The following ITGA9 variants were observed in gnomAD, a reference collection of about 807,000 sequenced individuals.
The protein encoded by ITGA9 is integrin alpha-9.
ITGA9 carries 56 observed loss-of-function variants against 127.8 expected under a neutral mutation model. The ratio of observed to expected loss-of-function variants is 0.44; its 90% CI spans 0.35 to 0.55. ITGA9 has a LOEUF of 0.55. Among genes scored for constraint, ITGA9 ranks in the 20% least tolerant of loss-of-function variants. The pLI is 0.00. For missense variants in ITGA9, 1,196 were observed against 1,347.1 expected (o/e 0.89, Z 1.76); for synonymous variants, 508 against 514.5 (o/e 0.99, Z 0.17).
At chr3:37,591,910 T>A (rs1342880239) in intron 15 of ITGA9, among the ~76,000 whole-genome samples, 1 of 152,202 alleles carries the variant, frequency 6.6e-6, no homozygotes, top group African/African-American at 2.4e-5. Flanking sequence ...TGGGATGTTT[T>A]TCTAGGTTAT....
chr3:37,666,323 G>C (rs1021123599), intron 17 of ITGA9, among the ~76,000 whole-genome samples: 3 of 152,222 alleles, frequency 2.0e-5, no homozygotes, highest in Admixed American at 6.5e-5. Flanking sequence ...CCTGCGGTGA[G>C]GATGTGCCAT....
At chr3:37,543,187 A>G (rs1699292631) in intron 15 of ITGA9, among the ~76,000 whole-genome samples, 1 of 152,234 alleles carries the variant, frequency 6.6e-6, no homozygotes, top group Admixed American at 6.5e-5. Context: ...GGCTTTGATT[A>G]GCTACAGAGT....
At chr3:37,699,042 C>T (rs1454508774) in intron 18 of ITGA9, among the ~76,000 whole-genome samples, 1 of 152,202 alleles carries the variant, frequency 6.6e-6, no homozygotes, top group Admixed American at 6.5e-5. Flanking sequence ...ACTCCTCACC[C>T]CAATTCTTCT....
intron 24 of ITGA9, among the ~76,000 whole-genome samples, chr3:37,779,216 C>T (rs189851222): frequency 1.6e-3 from 241 of 152,190 alleles, no homozygotes; most frequent in Non-Finnish European, 3.1e-3. Flanking sequence ...GCAGTTCTCC[C>T]GCCTCAGCCT....
At chr3:37,808,186 C>A (rs1697321849) in intron 27 of ITGA9, 1 of 152,252 alleles carries the variant, frequency 6.6e-6, no homozygotes, top group Non-Finnish European at 1.5e-5. Flanking sequence ...CCCCTCCAAA[C>A]TTGCATCTCA....
intron 12 of ITGA9, among the ~76,000 whole-genome samples, chr3:37,524,528 A>G (rs1699074277): frequency 1.3e-5 from 2 of 152,292 alleles, no homozygotes; most frequent in Admixed American, 6.5e-5. Context: ...TTGTCCCAAG[A>G]AAGACCCTTG....
intron 15 of ITGA9, among the ~76,000 whole-genome samples, chr3:37,613,807 G>A (rs1379385107): frequency 6.6e-6 from 1 of 152,152 alleles, no homozygotes; most frequent in Admixed American, 6.5e-5. Flanking sequence ...TTGTTGATGG[G>A]GTTGTTTGTT....
chr3:37,655,346 T>A (rs898348852), intron 17 of ITGA9, among the ~76,000 whole-genome samples: 4 of 152,338 alleles, frequency 2.6e-5, no homozygotes, highest in Non-Finnish European at 5.9e-5. Flanking sequence ...CCACATCCTC[T>A]CCAGCACCTG....
chr3:37,772,714 C>T (rs1025299170), intron 23 of ITGA9, among the ~76,000 whole-genome samples: 11 of 152,208 alleles, frequency 7.2e-5, no homozygotes, highest in African/African-American at 2.7e-4. Context: ...AACCTTCAAT[C>T]TCCTTTTGAA....
At chr3:37,698,128 G>A (rs1700906157) in intron 18 of ITGA9, among the ~76,000 whole-genome samples, 1 of 152,176 alleles carries the variant, frequency 6.6e-6, no homozygotes, top group African/African-American at 2.4e-5. Flanking sequence ...CTGCATAAAT[G>A]TCTTCTTTTG....
intron 17 of ITGA9, among the ~76,000 whole-genome samples, chr3:37,659,983 A>AACAC (rs10694969): frequency 0.53 from 79,302 of 149,874 alleles, 20,886 homozygotes; most frequent in African/African-American, 0.58. Context: ...AAGATGATGT[A>AACAC]ACACACACAC....
chr3:37,676,794 A>G (rs1287718106), intron 17 of ITGA9, among the ~76,000 whole-genome samples: 2 of 152,208 alleles, frequency 1.3e-5, no homozygotes, highest in African/African-American at 4.8e-5. Flanking sequence ...CCCTACACAT[A>G]TCTACTTGCC....
intron 1 of ITGA9, among the ~76,000 whole-genome samples, chr3:37,453,120 C>G (rs78489361): frequency 0.036 from 4,703 of 129,340 alleles, 167 homozygotes; most frequent in Non-Finnish European, 0.048. Context: ...CCGGCGCCCC[C>G]CCCCCCCCCC....
intron 1 of ITGA9, among the ~76,000 whole-genome samples, chr3:37,456,511 C>T (rs555740299): frequency 1.3e-5 from 2 of 152,304 alleles, no homozygotes; most frequent in African/African-American, 2.4e-5. Flanking sequence ...CCAGAGCGGA[C>T]GTCTTTCACA....
intron 27 of ITGA9, among the ~76,000 whole-genome samples, chr3:37,809,586 T>C (rs1017018068): frequency 6.6e-5 from 10 of 152,098 alleles, no homozygotes; most frequent in Admixed American, 5.9e-4. Flanking sequence ...TGTTGTAATG[T>C]GATAAGGGGC....
intron 4 of ITGA9, among the ~76,000 whole-genome samples, chr3:37,493,398 G>A (rs1168151230): frequency 6.6e-6 from 1 of 152,206 alleles, no homozygotes; most frequent in African/African-American, 2.4e-5. Flanking sequence ...GGTCACTGGG[G>A]TAGCCCCAGC....
chr3:37,719,190 G>A (rs1368499097), intron 18 of ITGA9, among the ~76,000 whole-genome samples: 1 of 152,192 alleles, frequency 6.6e-6, no homozygotes, highest in East Asian at 1.9e-4. Context: ...GAGCTGACCT[G>A]TTGAAGCAAC....
chr3:37,477,654 C>T (rs1031319857), intron 3 of ITGA9, among the ~76,000 whole-genome samples: 4 of 152,114 alleles, frequency 2.6e-5, no homozygotes, highest in Non-Finnish European at 5.9e-5. Context: ...AAGAAATGAG[C>T]GGGGAGGGGA....
In ITGA9 at chr3:37,743,979, T is replaced by C. The variant is rs1232882983; in HGVS notation, c.2378T>C (p.Phe793Ser). The change falls in exon 22 of 28, where the codon TTC (phenylalanine) becomes TCC (serine). Residue 793 changes from phenylalanine to serine, a missense_variant. Coordinates refer to ENST00000264741, the MANE Select transcript of ITGA9 (RefSeq NM_002207.3). ...VYGESVDAAN[F>S]IQLDDLECHF... ...GGCGAGTCCGTGGACGCAGCCAACT[T>C]CATTCAGCTGGATGACCTGGAGTGT... is the stretch of plus-strand genomic sequence containing the variant. 5 of 1,614,070 alleles carry C rather than the reference T, an allele frequency of 3.1e-6. No homozygotes were observed. The highest frequency in any genetic ancestry group is 4.2e-6 in the Non-Finnish European group (5 of 1,180,028).
Sources: gnomAD v4.1 joint callset for allele counts (sites outside exome capture counted in the v4.1 genomes callset) on GRCh38, gnomAD v4.1.1 for gene constraint, MANE v1.5 for transcripts, NCBI Gene and HGNC (gene_info 2026-07-23, HGNC 2026-07-21) for gene names.